CNTNAP2: variants seen among roughly 807,000 people sequenced by gnomAD.
The protein encoded by CNTNAP2 is contactin associated protein 2.
In CNTNAP2, 98 loss-of-function variants were observed where a neutral mutation model predicts 155.2. The ratio of observed to expected loss-of-function variants is 0.63; its 90% CI spans 0.54 to 0.75. The LOEUF (loss-of-function observed/expected upper bound fraction) is 0.75. Among genes scored for constraint, CNTNAP2 ranks in the 30% least tolerant of loss-of-function variants. The pLI, the probability that CNTNAP2 is intolerant of heterozygous loss-of-function variation, is 0.00. For missense variants in CNTNAP2, 1,727 were observed against 1,688.1 expected, an observed-to-expected ratio of 1.02 and a Z score of -0.40; for synonymous variants, 651 against 631.2, an observed-to-expected ratio of 1.03 and a Z score of -0.47.
At chr7:147,715,179 T>A (rs114519404) in intron 13 of CNTNAP2, among the ~76,000 whole-genome samples, 2,896 of 152,228 alleles carry the variant, frequency 0.019, 93 homozygotes, top group African/African-American at 0.066. Context: ...TTCCTTTATC[T>A]AGGACAAATG....
rs1008116148 is a variant in CNTNAP2 at position 147,121,068 on chromosome 7, G to A, written c.844G>A (p.Glu282Lys). The change falls in exon 6 of 24, where the codon GAG becomes AAG. Residue 282 changes from glutamate to lysine, a missense_variant. Coordinates refer to ENST00000361727, the MANE Select transcript of CNTNAP2 (RefSeq NM_014141.6). ...CCACCACTGGCACTCTGTGGTCATT[G>A]AGCGCCAGGGGCGGAGCATTAACCT... ...DDHHWHSVVI[E>K]RQGRSINLTL... 2.5e-6 allele frequency: 4 copies of A among 1,614,116 alleles called. No individual in the cohort carries two copies. The highest frequency in any genetic ancestry group is 3.4e-6 in the Non-Finnish European group (4 of 1,180,014).
At chr7:147,711,505 A>G (rs1385125713) in intron 13 of CNTNAP2, among the ~76,000 whole-genome samples, 3 of 152,194 alleles carry the variant, frequency 2.0e-5, no homozygotes, top group African/African-American at 7.2e-5. Context: ...CTGGAGCAGA[A>G]AAGCACTGCT....
intron 1 of CNTNAP2, among the ~76,000 whole-genome samples, chr7:146,613,702 C>T (rs995558155): frequency 3.9e-5 from 6 of 152,148 alleles, no homozygotes; most frequent in Non-Finnish European, 7.4e-5. Context: ...ACTTGCAACA[C>T]AGCTTAGTTT....
chr7:147,386,187 C>T (rs1796622858), intron 9 of CNTNAP2, among the ~76,000 whole-genome samples: 1 of 152,080 alleles, frequency 6.6e-6, no homozygotes, highest in African/African-American at 2.4e-5. Context: ...ATTTTTTCCT[C>T]CCTAAACCTC....
intron 13 of CNTNAP2, among the ~76,000 whole-genome samples, chr7:147,732,074 C>T (rs1796749625): frequency 6.6e-6 from 1 of 151,996 alleles, no homozygotes. Context: ...TTCTAGTGTA[C>T]ATGTGCACAG....
At chr7:146,457,068 A>G (rs1423991628) in intron 1 of CNTNAP2, among the ~76,000 whole-genome samples, 2 of 152,106 alleles carry the variant, frequency 1.3e-5, no homozygotes, top group African/African-American at 4.8e-5. Flanking sequence ...TTCAGATTAA[A>G]GTTTTGCAGA....
chr7:146,904,089 T>C (rs1299700462), intron 3 of CNTNAP2, among the ~76,000 whole-genome samples: 1 of 152,194 alleles, frequency 6.6e-6, no homozygotes, highest in Non-Finnish European at 1.5e-5. Context: ...ATGTTACTTA[T>C]TAAATAGCTC....
At chr7:146,297,023 T>C (rs1030030405) in intron 1 of CNTNAP2, among the ~76,000 whole-genome samples, 7 of 152,148 alleles carry the variant, frequency 4.6e-5, no homozygotes, top group African/African-American at 7.2e-5. Context: ...ATAGAAACAA[T>C]AGAAACAATA....
At chr7:147,966,091 A>T (rs1478944754) in intron 14 of CNTNAP2, among the ~76,000 whole-genome samples, 1 of 152,158 alleles carries the variant, frequency 6.6e-6, no homozygotes, top group African/African-American at 2.4e-5. Flanking sequence ...AGATGATGTG[A>T]TGTTTGTAGA....
intron 1 of CNTNAP2, among the ~76,000 whole-genome samples, chr7:146,165,783 A>G (rs1407587872): frequency 6.6e-6 from 1 of 152,210 alleles, no homozygotes; most frequent in Non-Finnish European, 1.5e-5. Flanking sequence ...GTTATAATAT[A>G]CAAAAATAAA....
chr7:146,968,675 A>C (rs1269539469), intron 3 of CNTNAP2, among the ~76,000 whole-genome samples: 1 of 151,522 alleles, frequency 6.6e-6, no homozygotes, highest in Admixed American at 6.6e-5. Flanking sequence ...ATCATTTTTT[A>C]TTGTGTCTAT....
At chr7:148,224,050 A>G (rs1795798082) in intron 19 of CNTNAP2, among the ~76,000 whole-genome samples, 1 of 151,110 alleles carries the variant, frequency 6.6e-6, no homozygotes, top group South Asian at 2.1e-4. Flanking sequence ...ACTTGTAACC[A>G]GGCAGAAAGC....
intron 15 of CNTNAP2, among the ~76,000 whole-genome samples, chr7:148,061,929 A>ATAGATAGT (rs1803147859): frequency 1.3e-5 from 1 of 79,008 alleles, no homozygotes; most frequent in Non-Finnish European, 2.7e-5. Context: ...ATATAGATAG[A>ATAGATAGT]TAGATAGATA....
At chr7:146,716,503 A>C (rs951579012) in intron 1 of CNTNAP2, among the ~76,000 whole-genome samples, 4 of 152,190 alleles carry the variant, frequency 2.6e-5, no homozygotes, top group African/African-American at 9.7e-5. Flanking sequence ...CAATACAAAC[A>C]CCTTTGTTTC....
intron 8 of CNTNAP2, among the ~76,000 whole-genome samples, chr7:147,204,592 A>T (rs946518274): frequency 2.0e-5 from 3 of 152,122 alleles, no homozygotes; most frequent in Non-Finnish European, 2.9e-5. Flanking sequence ...ATATTTAAAA[A>T]CCACAAATCA....
chr7:146,774,110 A>G lies in CNTNAP2; in HGVS notation c.98-161A>G, dbSNP rs916321367. ...ATATAAACAGCTCCTGTGTTATATT[A>G]TATTTAGGATAACAGAATTGCCTAA... On this transcript the variant is annotated intron_variant, in intron 1 of 23. Coordinates refer to ENST00000361727, the MANE Select transcript of CNTNAP2 (RefSeq NM_014141.6). Among the ~76,000 whole-genome samples the G allele has an allele frequency of 3.3e-5, 5 of 152,226 alleles. 1 individual carries two copies. The highest frequency in any genetic ancestry group is 2.6e-4 in the Admixed American group (4 of 15,286).
At chr7:147,137,912 GA>G (rs1801519595) in intron 8 of CNTNAP2, among the ~76,000 whole-genome samples, 3 of 99,228 alleles carry the variant, frequency 3.0e-5, no homozygotes, top group South Asian at 4.2e-4. Flanking sequence ...TAGATAGATA[GA>G]TAGGTAGATA....
intron 1 of CNTNAP2, among the ~76,000 whole-genome samples, chr7:146,715,102 G>A (rs181214108): frequency 6.8e-4 from 104 of 152,138 alleles, no homozygotes; most frequent in Non-Finnish European, 1.3e-3. Flanking sequence ...AGACTGAGGC[G>A]GGCAGTTCAC....
At chr7:146,628,426 A>G (rs530808753) in intron 1 of CNTNAP2, among the ~76,000 whole-genome samples, 20 of 152,276 alleles carry the variant, frequency 1.3e-4, no homozygotes, top group South Asian at 2.1e-4. Context: ...TAAGAGATCT[A>G]TTATACACCA....
Sources: gnomAD v4.1 joint callset for allele counts (sites outside exome capture counted in the v4.1 genomes callset) on GRCh38, gnomAD v4.1.1 for gene constraint, MANE v1.5 for transcripts, NCBI Gene and HGNC (gene_info 2026-07-23, HGNC 2026-07-21) for gene names.